Variants in KCNIP4 observed in about 807,000 individuals in gnomAD.
KCNIP4 encodes the protein Kv channel-interacting protein 4.
Under a neutral mutation model 34.0 loss-of-function variants are expected in KCNIP4, and 12 were observed. The observed-to-expected ratio is 0.35, with a 90% confidence interval of 0.23 to 0.57. The LOEUF (loss-of-function observed/expected upper bound fraction) is 0.57, where lower values mean the gene tolerates loss of function less well. Ranked by LOEUF, KCNIP4 falls within the 20% of genes least tolerant of loss-of-function variation. KCNIP4 has a pLI of 0.83. For synonymous variants in KCNIP4, 124 were observed against 102.2 expected (o/e 1.21, Z -1.29); for missense variants, 238 against 311.7 (o/e 0.76, Z 1.78).
chr4:21,000,894 C>T (rs1214744799), intron 1 of KCNIP4, among the ~76,000 whole-genome samples: 2 of 152,180 alleles, frequency 1.3e-5, no homozygotes, highest in African/African-American at 4.8e-5. Flanking sequence ...AGTACAGCAG[C>T]TACCTTCTCT....
intron 3 of KCNIP4, 80 bp from the exon 4 acceptor site, chr4:20,758,970 G>A: frequency 9.4e-7 from 1 of 1,068,160 alleles, no homozygotes; most frequent in Non-Finnish European, 1.4e-6. Flanking sequence ...AAACAGAACT[G>A]TCTACCATGC....
At chr4:21,587,169 G>A (rs1355448162) in intron 1 of KCNIP4, among the ~76,000 whole-genome samples, 2 of 152,126 alleles carry the variant, frequency 1.3e-5, no homozygotes, top group East Asian at 3.9e-4. Context: ...TTTACATCAA[G>A]CCCTGGATTT....
chr4:21,838,229 A>C (rs1044174709), intron 1 of KCNIP4, among the ~76,000 whole-genome samples: 6 of 152,202 alleles, frequency 3.9e-5, no homozygotes, highest in African/African-American at 1.2e-4. Context: ...CTGGACTAGC[A>C]ATAACTAATA....
intron 1 of KCNIP4, among the ~76,000 whole-genome samples, chr4:21,402,556 G>T (rs572546520): frequency 6.6e-6 from 1 of 152,318 alleles, no homozygotes; most frequent in East Asian, 1.9e-4. Context: ...AATGGTAGTT[G>T]TATTCATAGG....
chr4:21,178,482 A>G (rs1754600920), intron 1 of KCNIP4, among the ~76,000 whole-genome samples: 1 of 149,138 alleles, frequency 6.7e-6, no homozygotes, highest in South Asian at 2.1e-4. Context: ...CACAGACCTC[A>G]GTTTATTTCC....
Position 20,734,743 on chromosome 4 carries a change from G to GAAAT in KCNIP4, c.430-12_430-9dup, listed in dbSNP as rs753956821. On this transcript the variant is annotated splice_polypyrimidine_tract_variant and intron_variant, in intron 5 of 8. Coordinates refer to ENST00000382152, the MANE Select transcript of KCNIP4 (RefSeq NM_025221.6). ...AAGACCTTTGATGAAATCCTGAAAAGAAATAAAAATTCAATTTTATATGAC... is the reference window on the plus strand; with the variant it reads ...AAGACCTTTGATGAAATCCTGAAAAGAAATAAATAAAAATTCAATTTTATATGAC... 7.4e-6 allele frequency: 11 copies of GAAAT among 1,490,810 alleles called. No homozygotes were observed. The highest frequency in any genetic ancestry group is 1.4e-5 in the African/African-American group (1 of 70,032). 92.3% of individuals were successfully genotyped at this position (1,490,810 alleles called of 1,614,324 possible).
intron 1 of KCNIP4, among the ~76,000 whole-genome samples, chr4:21,924,422 T>C (rs903655941): frequency 2.6e-5 from 4 of 151,798 alleles, no homozygotes; most frequent in Admixed American, 6.6e-5. Flanking sequence ...TTTTTTGTAT[T>C]TTTAGTAGAG....
At chr4:21,504,313 C>T (rs1577478473) in intron 1 of KCNIP4, among the ~76,000 whole-genome samples, 1 of 151,488 alleles carries the variant, frequency 6.6e-6, no homozygotes, top group South Asian at 2.1e-4. Context: ...ATTAAAAATA[C>T]AAAAATTAGC....
At chr4:21,544,593 C>G (rs529783153) in intron 1 of KCNIP4, 1 of 152,296 alleles carries the variant, frequency 6.6e-6, no homozygotes, top group East Asian at 1.9e-4. Flanking sequence ...AGCTGTCAAA[C>G]CGGGTGCTGC....
intron 1 of KCNIP4, among the ~76,000 whole-genome samples, chr4:21,433,785 G>A (rs1002381411): frequency 6.6e-6 from 1 of 152,122 alleles, no homozygotes; most frequent in Non-Finnish European, 1.5e-5. Flanking sequence ...CTGGATATTT[G>A]CTAACACTTG....
chr4:21,621,505 A>G (rs1744995915), intron 1 of KCNIP4, among the ~76,000 whole-genome samples: 4 of 152,096 alleles, frequency 2.6e-5, no homozygotes, highest in Admixed American at 2.6e-4. Context: ...AGTTGTGACC[A>G]CAGGTATGCA....
chr4:21,367,296 GA>G (rs1283493834), intron 1 of KCNIP4, among the ~76,000 whole-genome samples: 2 of 152,148 alleles, frequency 1.3e-5, no homozygotes, highest in Non-Finnish European at 2.9e-5. Flanking sequence ...CATGGACTGG[GA>G]AAGTAGATAC....
chr4:21,023,178 A>G (rs1740225632), intron 1 of KCNIP4, among the ~76,000 whole-genome samples: 1 of 152,206 alleles, frequency 6.6e-6, no homozygotes, highest in Non-Finnish European at 1.5e-5. Flanking sequence ...CAATGAAGAC[A>G]TTAACTAGTA....
At chr4:20,893,716 A>T (rs998859343) in intron 1 of KCNIP4, among the ~76,000 whole-genome samples, 2 of 150,560 alleles carry the variant, frequency 1.3e-5, no homozygotes, top group Non-Finnish European at 3.0e-5. Flanking sequence ...GAGCCACCTC[A>T]CCCAGCCACC....
rs376617671 is a variant in KCNIP4 at position 21,519,041 on chromosome 4, A to G, written c.61+429530T>C. ...AGCAAACCGAAGAAAATGGGGCTTG[A>G]GTAATTTTCCCACGGTCACGGTTAT... On this transcript the variant is annotated intron_variant, in intron 1 of 8. Transcript: ENST00000382152. Among the ~76,000 whole-genome samples the G allele has an allele frequency of 1.6e-3, 236 of 152,210 alleles. 10 individuals carry two copies. In the South Asian group the frequency reaches 0.042, roughly 27 times the overall value.
intron 1 of KCNIP4, among the ~76,000 whole-genome samples, chr4:21,169,207 C>G (rs568149175): frequency 6.6e-6 from 1 of 152,216 alleles, no homozygotes; most frequent in South Asian, 2.1e-4. Context: ...GGCTGGAGTG[C>G]AGTGGCATGA....
chr4:21,245,911 A>G (rs1318996635), intron 1 of KCNIP4, among the ~76,000 whole-genome samples: 4 of 152,238 alleles, frequency 2.6e-5, no homozygotes, highest in Admixed American at 2.6e-4. Context: ...GCAAAGGAAG[A>G]CAAGGATAGT....
At chr4:21,896,057 T>G (rs1213611064) in intron 1 of KCNIP4, among the ~76,000 whole-genome samples, 1 of 152,194 alleles carries the variant, frequency 6.6e-6, no homozygotes, top group Non-Finnish European at 1.5e-5. Context: ...GATATTTTAC[T>G]GTAAGTTTGT....
At chr4:21,313,751 C>G (rs1713435225) in intron 1 of KCNIP4, among the ~76,000 whole-genome samples, 1 of 152,090 alleles carries the variant, frequency 6.6e-6, no homozygotes, top group Non-Finnish European at 1.5e-5. Flanking sequence ...TTATTATGAG[C>G]AGACTAAAAC....
Sources: allele counts gnomAD v4.1 joint callset (sites outside exome capture counted in the v4.1 genomes callset), GRCh38; gene constraint gnomAD v4.1.1; transcripts MANE v1.5; gene names NCBI Gene and HGNC (gene_info 2026-07-23, HGNC 2026-07-21).